The following PCDHGA3 variants were observed in gnomAD, a reference collection of about 807,000 sequenced individuals.
The protein encoded by PCDHGA3 is protocadherin gamma-A3.
A neutral mutation model predicts 58.5 loss-of-function variants in PCDHGA3; 40 were observed. That is an observed-to-expected ratio of 0.68 (90% CI 0.53 to 0.89). The LOEUF is 0.89. PCDHGA3 is among the 40% of genes least tolerant of loss of function. The probability of loss-of-function intolerance (pLI) is 0.00; values close to 1 mark genes in which losing one functional copy is unlikely to be tolerated. For synonymous variants in PCDHGA3, 530 were observed against 525.7 expected (o/e 1.01, Z -0.11); for missense variants, 1,223 against 1,195.9 (o/e 1.02, Z -0.33).
At chr5:141,409,967 AC>A (rs779248187) in intron 1 of PCDHGA3, 29 of 1,613,086 alleles carry the variant, frequency 1.8e-5, no homozygotes, top group Non-Finnish European at 2.4e-5. Flanking sequence ...CTACCTAGTG[AC>A]TAAGGTGGTA....
chr5:141,500,189 TTTATTTATTTATTTATTTA>T (rs2099797567), intron 2 of PCDHGA3, among the ~76,000 whole-genome samples: 1 of 110,894 alleles, frequency 9.0e-6, no homozygotes, highest in Non-Finnish European at 1.8e-5. Flanking sequence ...TTTATTTTTA[TTTATTTATTTATTTATTTA>T]TTTATTTATT....
intron 1 of PCDHGA3, chr5:141,417,926 C>T (rs779409064): frequency 6.2e-7 from 1 of 1,610,108 alleles, no homozygotes; most frequent in East Asian, 2.2e-5. Context: ...TTTGCTGCTG[C>T]CTTTGTTCTA....
In PCDHGA3 at chr5:141,487,747, CTA is replaced by C. The variant is rs2099663990; in HGVS notation, c.2425-7058_2425-7057del. 1 of 1,558,062 alleles carries C rather than the reference CTA, an allele frequency of 6.4e-7. No individual in the cohort carries two copies. The highest frequency in any genetic ancestry group is 2.4e-5 in the East Asian group (1 of 41,708). On this transcript the variant is annotated intron_variant, in intron 1 of 3. Coordinates refer to ENST00000253812, the MANE Select transcript of PCDHGA3 (RefSeq NM_018916.4). This position sits in a 1 kb window ranked among gnomAD's most constrained non-coding sequence, Gnocchi z 5.0. ...ATGTCACCATTTTTGTAAGAGGTAA[CTA>C]TGTGGTAGACGCTGTGCTTTGTAAC... is the stretch of plus-strand genomic sequence containing the variant.
intron 1 of PCDHGA3, chr5:141,394,735 G>C: frequency 6.2e-7 from 1 of 1,613,450 alleles, no homozygotes; most frequent in Non-Finnish European, 8.5e-7. Context: ...CTCAAGCAGA[G>C]CCTCGTGGTG....
intron 1 of PCDHGA3, among the ~76,000 whole-genome samples, chr5:141,359,477 G>T (rs1761224775): frequency 1.3e-5 from 2 of 151,182 alleles, no homozygotes; most frequent in South Asian, 4.2e-4. Flanking sequence ...ACAAATTGTT[G>T]TATATTCATA....
At chr5:141,455,225 C>CA (rs2098817003) in intron 1 of PCDHGA3, among the ~76,000 whole-genome samples, 2 of 151,666 alleles carry the variant, frequency 1.3e-5, no homozygotes, top group South Asian at 2.1e-4. Context: ...AATGCTTTGA[C>CA]AAAAAATGTT....
intron 1 of PCDHGA3, among the ~76,000 whole-genome samples, chr5:141,447,650 T>G (rs555134653): frequency 1.3e-5 from 2 of 151,988 alleles, no homozygotes; most frequent in Non-Finnish European, 2.9e-5. Flanking sequence ...GGTAGAATTT[T>G]CCCCCCCAGG....
rs778496260 is a variant in PCDHGA3 at position 141,376,289 on chromosome 5, C to T, written c.2424+29832C>T. On this transcript the variant is annotated intron_variant, in intron 1 of 3. Coordinates refer to ENST00000253812, the MANE Select transcript of PCDHGA3 (RefSeq NM_018916.4). ...TTCGGGAGGTGGCTTAGCGAGCATGCCCGGCTCGCACTTTGTGGGCGTGGA... is the reference window on the plus strand; with the variant it reads ...TTCGGGAGGTGGCTTAGCGAGCATGTCCGGCTCGCACTTTGTGGGCGTGGA... 3.7e-6 allele frequency: 6 copies of T among 1,614,060 alleles called. No homozygotes were observed. The highest frequency in any genetic ancestry group is 5.1e-6 in the Non-Finnish European group (6 of 1,180,046).
chr5:141,415,529 G>C, intron 1 of PCDHGA3: 1 of 1,614,184 alleles, frequency 6.2e-7, no homozygotes, highest in South Asian at 1.1e-5. Context: ...ACGCTCATCA[G>C]CCAGGAGAGC....
chr5:141,418,785 T>C, intron 1 of PCDHGA3: 1 of 1,613,862 alleles, frequency 6.2e-7, no homozygotes, highest in African/African-American at 1.3e-5. Flanking sequence ...CCTTTGGATT[T>C]TGAAGAAGTA....
intron 1 of PCDHGA3, among the ~76,000 whole-genome samples, chr5:141,353,443 A>G (rs141154137): frequency 9.2e-5 from 14 of 152,304 alleles, no homozygotes; most frequent in African/African-American, 2.9e-4. Flanking sequence ...TTGCAGCAAC[A>G]TGTATGTTTA....
chr5:141,494,845 C>G lies in PCDHGA3; in HGVS notation c.2463C>G (p.Ala821=), dbSNP rs747484430. The part of the protein sequence containing the change: ...PPNTDWRFSQ[A]QRPGTSGSQN... Reference sequence around the variant, plus strand: ...ACACGGACTGGCGTTTCTCTCAGGCCCAGAGACCCGGCACCAGCGGGTAGG... The same window carrying G: ...ACACGGACTGGCGTTTCTCTCAGGCGCAGAGACCCGGCACCAGCGGGTAGG... The change falls in exon 2 of 4, where the codon GCC becomes GCG. Residue 821 remains alanine, a synonymous_variant. Transcript: ENST00000253812. 1.2e-6 allele frequency: 2 copies of G among 1,614,144 alleles called. No individual in the cohort carries two copies. The highest frequency in any genetic ancestry group is 1.7e-6 in the Non-Finnish European group (2 of 1,180,028).
chr5:141,469,618 T>C (rs1284372508), intron 1 of PCDHGA3, among the ~76,000 whole-genome samples: 1 of 152,148 alleles, frequency 6.6e-6, no homozygotes, highest in Non-Finnish European at 1.5e-5. Context: ...ATAAAATAAA[T>C]GTTTGTAGTT....
At chr5:141,405,083 C>T in intron 1 of PCDHGA3, 1 of 1,613,942 alleles carries the variant, frequency 6.2e-7, no homozygotes, top group Non-Finnish European at 8.5e-7. Flanking sequence ...CGTTATCACG[C>T]TGCTGGCCCT....
chr5:141,480,065 A>G (rs2099511928), intron 1 of PCDHGA3, among the ~76,000 whole-genome samples: 1 of 152,220 alleles, frequency 6.6e-6, no homozygotes, highest in Non-Finnish European at 1.5e-5. Flanking sequence ...TAAGTGTTTT[A>G]TAAGATTCAT....
chr5:141,356,694 T>C (rs753819389), intron 1 of PCDHGA3: 2 of 1,613,982 alleles, frequency 1.2e-6, no homozygotes, highest in South Asian at 2.2e-5. Flanking sequence ...CCTTCCAGGG[T>C]GCACCTCTGT....
At chr5:141,466,457 A>G (rs969935541) in intron 1 of PCDHGA3, among the ~76,000 whole-genome samples, 12 of 152,146 alleles carry the variant, frequency 7.9e-5, no homozygotes, top group Admixed American at 6.6e-4. Context: ...GGTGTTGGCT[A>G]TTGTTTCTGC....
chr5:141,419,018 AG>A (rs2096314197), intron 1 of PCDHGA3: 1 of 1,613,838 alleles, frequency 6.2e-7, no homozygotes, highest in African/African-American at 1.3e-5. Context: ...GTGTAGCTTA[AG>A]TAGAGGTGTT....
chr5:141,493,052 T>G lies in PCDHGA3; in HGVS notation c.2425-1755T>G, dbSNP rs1362566525. 6.6e-6 allele frequency among the ~76,000 whole-genome samples: 1 copy of G among 152,104 alleles called. No individual in the cohort carries two copies. The highest frequency in any genetic ancestry group is 2.4e-5 in the African/African-American group (1 of 41,416). Reference sequence around the variant, plus strand: ...CTTATGTGTGAGGAAACTACAATAGTAAAAAACACAAGTTTCTCCAACTCC... The same window carrying G: ...CTTATGTGTGAGGAAACTACAATAGGAAAAAACACAAGTTTCTCCAACTCC... On this transcript the variant is annotated intron_variant, in intron 1 of 3. Coordinates refer to ENST00000253812, the MANE Select transcript of PCDHGA3 (RefSeq NM_018916.4). This position sits in a 1 kb window ranked among gnomAD's most constrained non-coding sequence, Gnocchi z 4.3.
Sources: gnomAD v4.1 joint callset for allele counts (sites outside exome capture counted in the v4.1 genomes callset) on GRCh38, gnomAD v4.1.1 for gene constraint, Gnocchi (gnomAD v3.1) non-coding constraint, MANE v1.5 for transcripts, NCBI Gene and HGNC (gene_info 2026-07-23, HGNC 2026-07-21) for gene names.